The following POLR3B variants were observed in gnomAD, a reference collection of about 807,000 sequenced individuals.
The protein encoded by POLR3B is DNA-directed RNA polymerase III subunit RPC2.
Under a neutral mutation model 147.4 loss-of-function variants are expected in POLR3B, and 96 were observed. That is an observed-to-expected ratio of 0.65 (90% CI 0.55 to 0.77). POLR3B has a LOEUF of 0.77. POLR3B is among the 30% of genes least tolerant of loss of function. The probability of loss-of-function intolerance (pLI) is 0.00; values close to 1 mark genes in which losing one functional copy is unlikely to be tolerated. For missense variants in POLR3B, 1,036 were observed against 1,413.5 expected, an observed-to-expected ratio of 0.73 and a Z score of 4.28; for synonymous variants, 461 against 485.9, an observed-to-expected ratio of 0.95 and a Z score of 0.67.
In POLR3B at chr12:106,504,437, T is replaced by A. The variant is rs147031168; in HGVS notation, c.3272+183T>A. 6.6e-6 allele frequency among the ~76,000 whole-genome samples: 1 copy of A among 152,326 alleles called. No individual in the cohort carries two copies. The highest frequency in any genetic ancestry group is 1.5e-5 in the Non-Finnish European group (1 of 68,032). ...TGTGTACATGTCTCATTTGTCTACA[T>A]CATGATCTACTTCCTACACAACTAG... On this transcript the variant is annotated intron_variant, in intron 27 of 27. Coordinates refer to ENST00000228347, the MANE Select transcript of POLR3B (RefSeq NM_018082.6). The surrounding 1 kb of genome is among the most constrained non-coding windows in gnomAD (Gnocchi z 4.6).
intron 6 of POLR3B, among the ~76,000 whole-genome samples, chr12:106,371,945 T>C (rs1447687294): frequency 2.6e-5 from 4 of 151,688 alleles, no homozygotes; most frequent in Admixed American, 2.6e-4. Context: ...ATAATAATAA[T>C]AAAATAAAAT....
chr12:106,421,056 C>T (rs1206753812), intron 12 of POLR3B, among the ~76,000 whole-genome samples: 1 of 151,968 alleles, frequency 6.6e-6, no homozygotes, highest in African/African-American at 2.4e-5. Context: ...CGTATAATTT[C>T]TCTGCAATTT....
chr12:106,418,504 T>G (rs912994646), intron 12 of POLR3B, among the ~76,000 whole-genome samples: 5 of 152,232 alleles, frequency 3.3e-5, no homozygotes, highest in Admixed American at 3.3e-4. Context: ...AAACACTAAA[T>G]AGCAATCTCA....
chr12:106,482,269 T>C (rs2038278294), intron 23 of POLR3B, among the ~76,000 whole-genome samples: 1 of 152,222 alleles, frequency 6.6e-6, no homozygotes, highest in South Asian at 2.1e-4. Context: ...AAAATAATTG[T>C]ATATGTTGTT....
Position 106,384,284 on chromosome 12 carries a change from A to G in POLR3B, c.723+4145A>G, listed in dbSNP as rs892507406. On this transcript the variant is annotated intron_variant, in intron 9 of 27. Transcript: ENST00000228347. ...ACCTGTTCTAAGATGTAAATACTAT[A>G]CACATTCAGTGAACAGTTAAATTGT... Among the ~76,000 whole-genome samples the G allele has an allele frequency of 3.3e-5, 5 of 152,252 alleles. No individual in the cohort carries two copies. In the East Asian group the frequency reaches 7.7e-4, roughly 23 times the overall value.
At chr12:106,382,835 C>T (rs1043643187) in intron 9 of POLR3B, among the ~76,000 whole-genome samples, 13 of 152,070 alleles carry the variant, frequency 8.5e-5, no homozygotes, top group African/African-American at 1.9e-4. Context: ...TTTTCTAGAC[C>T]CTCACAAGAA....
intron 26 of POLR3B, among the ~76,000 whole-genome samples, 161 bp from the exon 27 acceptor site, chr12:106,503,920 C>T (rs2038644086): frequency 6.6e-6 from 1 of 152,234 alleles, no homozygotes; most frequent in Admixed American, 6.5e-5. Context: ...TGCACTTTTA[C>T]AAATGAGGCT....
At chr12:106,503,483 T>C (rs1425157336) in intron 26 of POLR3B, among the ~76,000 whole-genome samples, 9 of 152,262 alleles carry the variant, frequency 5.9e-5, no homozygotes, top group Admixed American at 5.9e-4. Flanking sequence ...CTACATGGGG[T>C]TGCCTAAATT....
At chr12:106,399,115 C>T (rs150454100) in intron 10 of POLR3B, among the ~76,000 whole-genome samples, 1 of 152,108 alleles carries the variant, frequency 6.6e-6, no homozygotes, top group Non-Finnish European at 1.5e-5. Context: ...ACTAGAATAA[C>T]CAATGCAGAG....
At chr12:106,457,933 C>G (rs1002425443) in intron 21 of POLR3B, among the ~76,000 whole-genome samples, 2 of 152,010 alleles carry the variant, frequency 1.3e-5, no homozygotes, top group African/African-American at 4.8e-5. Flanking sequence ...GGAGCATGTT[C>G]TAAGTAATGA....
At chr12:106,412,932 CCTT>C (rs1565888730) in intron 12 of POLR3B, among the ~76,000 whole-genome samples, 1 of 152,082 alleles carries the variant, frequency 6.6e-6, no homozygotes. Context: ...CATTTATACA[CCTT>C]CTTTGAAGAA....
chr12:106,389,540 C>T (rs931722161), intron 9 of POLR3B, among the ~76,000 whole-genome samples: 4 of 151,914 alleles, frequency 2.6e-5, no homozygotes, highest in African/African-American at 7.3e-5. Context: ...AAGACTTTTT[C>T]GTTACAGGTT....
intron 23 of POLR3B, among the ~76,000 whole-genome samples, chr12:106,490,149 A>T (rs2038388939): frequency 6.6e-6 from 1 of 152,098 alleles, no homozygotes; most frequent in South Asian, 2.1e-4. Context: ...TATCCAACTA[A>T]AGCTTTGAAA....
At chr12:106,496,305 C>T (rs1232746792) in intron 24 of POLR3B, 147 bp downstream of exon 24, 2 of 710,230 alleles carry the variant, frequency 2.8e-6, no homozygotes, top group Non-Finnish European at 5.1e-6. Context: ...AACAGGCTTC[C>T]AGCCCCTAAC....
At chr12:106,491,461 C>T (rs2137069008) in intron 23 of POLR3B, among the ~76,000 whole-genome samples, 2 of 152,264 alleles carry the variant, frequency 1.3e-5, no homozygotes, top group Admixed American at 1.3e-4. Flanking sequence ...AGTGTTCATC[C>T]CTTACTAAAC....
At chr12:106,433,350 C>G (rs945973802) in intron 15 of POLR3B, among the ~76,000 whole-genome samples, 1 of 152,184 alleles carries the variant, frequency 6.6e-6, no homozygotes, top group South Asian at 2.1e-4. Flanking sequence ...TTAGTAGGTG[C>G]TAGGCAGAAT....
intron 22 of POLR3B, among the ~76,000 whole-genome samples, chr12:106,459,586 G>T (rs1460751651): frequency 6.6e-6 from 1 of 152,152 alleles, no homozygotes; most frequent in Non-Finnish European, 1.5e-5. Flanking sequence ...CATAGGCAGG[G>T]GTTCCTGGTG....
chr12:106,460,443 G>A (rs1308147400), intron 22 of POLR3B, among the ~76,000 whole-genome samples: 1 of 152,210 alleles, frequency 6.6e-6, no homozygotes, highest in African/African-American at 2.4e-5. Context: ...ATAAAGGGCA[G>A]CACCAGGATT....
intron 9 of POLR3B, among the ~76,000 whole-genome samples, chr12:106,385,486 A>G (rs1303398286): frequency 6.6e-6 from 1 of 152,220 alleles, no homozygotes; most frequent in African/African-American, 2.4e-5. Flanking sequence ...TAGAAAAAAA[A>G]CAAAGGAAGA....
Sources: gnomAD v4.1 joint callset for allele counts (sites outside exome capture counted in the v4.1 genomes callset) on GRCh38, gnomAD v4.1.1 for gene constraint, Gnocchi (gnomAD v3.1) non-coding constraint, MANE v1.5 for transcripts, NCBI Gene and HGNC (gene_info 2026-07-23, HGNC 2026-07-21) for gene names.